The following ROBO2 variants were observed in gnomAD, a reference collection of about 807,000 sequenced individuals.
ROBO2 encodes the protein roundabout homolog 2.
Under a neutral mutation model 160.8 loss-of-function variants are expected in ROBO2, and 53 were observed. The ratio of observed to expected loss-of-function variants is 0.33; its 90% CI spans 0.26 to 0.41. The LOEUF (loss-of-function observed/expected upper bound fraction) is 0.41, where lower values mean the gene tolerates loss of function less well. ROBO2 is among the 10% of genes least tolerant of loss of function. The pLI, the probability that ROBO2 is intolerant of heterozygous loss-of-function variation, is 1.00. For missense variants in ROBO2, 1,577 were observed against 1,722.4 expected (o/e 0.92, Z 1.49); for synonymous variants, 664 against 611.7 (o/e 1.09, Z -1.26).
intron 3 of ROBO2, 78 bp downstream of exon 3, chr3:77,477,649 T>C: frequency 7.7e-7 from 1 of 1,303,754 alleles, no homozygotes; most frequent in Non-Finnish European, 1.1e-6. Context: ...TTTTATTCTT[T>C]AACATTATTA....
At chr3:75,938,364 A>C in intron 2 of ROBO2, among the ~76,000 whole-genome samples, 1 of 151,898 alleles carries the variant, frequency 6.6e-6, no homozygotes, top group East Asian at 1.9e-4. Flanking sequence ...TTGGAGGATT[A>C]TTATTTTTGG....
rs11916286 is a variant in ROBO2 at position 76,557,346 on chromosome 3, A to G, written c.110-540668A>G. Among the ~76,000 whole-genome samples, 1,290 of 152,146 alleles carry G rather than the reference A, an allele frequency of 8.5e-3. 19 individuals are homozygous for G. Among genetic ancestry groups the G allele is most frequent in the African/African-American group, 0.029 (1,188 of 41,542 alleles). ...AGATTGCATCTAAAAATTGAAATCT[A>G]CCAAAAATCCTCTAGGGAGTTATAA... On this transcript the variant is annotated intron_variant, in intron 2 of 26. Transcript: ENST00000487694.
At chr3:76,407,263 C>T (rs35180616) in intron 2 of ROBO2, among the ~76,000 whole-genome samples, 28,022 of 151,850 alleles carry the variant, frequency 0.18, 3,042 homozygotes, top group African/African-American at 0.3. Context: ...CATTTGCTCA[C>T]TTACAACAGC....
chr3:76,778,636 A>G (rs2062432628), intron 2 of ROBO2, among the ~76,000 whole-genome samples: 1 of 151,094 alleles, frequency 6.6e-6, no homozygotes, highest in South Asian at 2.1e-4. Context: ...ATATTTGGGG[A>G]TCTTTCTGTT....
intron 2 of ROBO2, among the ~76,000 whole-genome samples, chr3:75,993,918 G>A (rs1268922182): frequency 6.6e-6 from 1 of 152,184 alleles, no homozygotes; most frequent in African/African-American, 2.4e-5. Context: ...TACATTAGGA[G>A]CGTGTATGCT....
At chr3:76,500,784 T>C (rs939314401) in intron 2 of ROBO2, among the ~76,000 whole-genome samples, 6 of 152,186 alleles carry the variant, frequency 3.9e-5, no homozygotes, top group Non-Finnish European at 7.4e-5. Flanking sequence ...ATTTCGCGGT[T>C]CAAAATTTTC....
chr3:77,066,433 G>C (rs1026520078), intron 1 of ROBO2, among the ~76,000 whole-genome samples: 1 of 152,010 alleles, frequency 6.6e-6, no homozygotes, highest in Non-Finnish European at 1.5e-5. Context: ...TCAACTCTTT[G>C]TTCTATAGTT....
chr3:77,541,237 T>A (rs1325849002), intron 6 of ROBO2, among the ~76,000 whole-genome samples: 1 of 152,170 alleles, frequency 6.6e-6, no homozygotes, highest in African/African-American at 2.4e-5. Flanking sequence ...GAAGTCATAT[T>A]TTCCTGTTAA....
At chr3:76,932,651 T>C (rs943699193) in intron 2 of ROBO2, among the ~76,000 whole-genome samples, 9 of 152,288 alleles carry the variant, frequency 5.9e-5, no homozygotes, top group African/African-American at 2.2e-4. Context: ...TTTATTTAAA[T>C]CATGATGTTA....
At chr3:76,462,385 T>TAC (rs2078132978) in intron 2 of ROBO2, among the ~76,000 whole-genome samples, 1 of 152,142 alleles carries the variant, frequency 6.6e-6, no homozygotes, top group South Asian at 2.1e-4. Flanking sequence ...GAAAACTCAG[T>TAC]ACATATACAC....
At chr3:76,952,746 A>G (rs898549620) in intron 2 of ROBO2, among the ~76,000 whole-genome samples, 1 of 152,062 alleles carries the variant, frequency 6.6e-6, no homozygotes, top group African/African-American at 2.4e-5. Flanking sequence ...ATACTAAATA[A>G]TGATACAATT....
chr3:77,239,876 G>A (rs2088710070), intron 2 of ROBO2, among the ~76,000 whole-genome samples: 1 of 152,190 alleles, frequency 6.6e-6, no homozygotes, highest in Non-Finnish European at 1.5e-5. Context: ...AGTTCTCCAA[G>A]TCCTCACCAG....
intron 2 of ROBO2, among the ~76,000 whole-genome samples, chr3:76,694,635 G>T (rs1239472791): frequency 6.6e-6 from 1 of 151,886 alleles, no homozygotes; most frequent in Non-Finnish European, 1.5e-5. Flanking sequence ...TAAAAAAAGG[G>T]TATCTTTTAA....
At chr3:77,032,538 A>G (rs981047555) in intron 2 of ROBO2, among the ~76,000 whole-genome samples, 4 of 152,176 alleles carry the variant, frequency 2.6e-5, no homozygotes, top group African/African-American at 9.7e-5. Context: ...ATTGCAACAT[A>G]AAGTTTAAAT....
intron 2 of ROBO2, among the ~76,000 whole-genome samples, chr3:76,727,299 A>G (rs1395944686): frequency 6.6e-6 from 1 of 152,164 alleles, no homozygotes; most frequent in African/African-American, 2.4e-5. Context: ...AGGAAATATA[A>G]CAAACACAAA....
At chr3:76,653,179 T>C (rs2091331216) in intron 2 of ROBO2, among the ~76,000 whole-genome samples, 1 of 152,152 alleles carries the variant, frequency 6.6e-6, no homozygotes, top group South Asian at 2.1e-4. Context: ...ATATTGCTTA[T>C]CTGTATTATG....
intron 2 of ROBO2, among the ~76,000 whole-genome samples, chr3:77,360,293 A>G (rs576938398): frequency 4.2e-4 from 61 of 145,920 alleles, no homozygotes; most frequent in Non-Finnish European, 8.4e-4. Context: ...GATTTATTCT[A>G]CCCATAAGTA....
chr3:76,397,706 C>CA (rs1352423624), intron 2 of ROBO2, among the ~76,000 whole-genome samples: 1 of 151,936 alleles, frequency 6.6e-6, no homozygotes, highest in Non-Finnish European at 1.5e-5. Flanking sequence ...TTTATGTAGC[C>CA]AAAAAACACA....
chr3:77,187,776 T>C (rs1360650886), intron 2 of ROBO2, among the ~76,000 whole-genome samples: 1 of 151,962 alleles, frequency 6.6e-6, no homozygotes. Flanking sequence ...TAAAAAAGTG[T>C]ATTATGTTTA....
Sources: gnomAD v4.1 joint callset for allele counts (sites outside exome capture counted in the v4.1 genomes callset) on GRCh38, gnomAD v4.1.1 for gene constraint, MANE v1.5 for transcripts, NCBI Gene and HGNC (gene_info 2026-07-23, HGNC 2026-07-21) for gene names.